MBNL1: variants seen among roughly 807,000 people sequenced by gnomAD.
MBNL1 encodes the protein muscleblind like splicing regulator 1, also known as muscleblind-like protein 1.
Under a neutral mutation model 42.2 loss-of-function variants are expected in MBNL1, and 8 were observed. The observed-to-expected ratio is 0.19, with a 90% CI of 0.11 to 0.34. The LOEUF is 0.34. Among genes scored for constraint, MBNL1 ranks in the 10% least tolerant of loss-of-function variants. MBNL1 has a pLI of 1.00. For missense variants in MBNL1, 309 were observed against 495.3 expected (o/e 0.62, Z 3.57); for synonymous variants, 169 against 173.9 (o/e 0.97, Z 0.22).
chr3:152,374,946 G>A (rs1337134296), intron 2 of MBNL1, among the ~76,000 whole-genome samples: 1 of 152,124 alleles, frequency 6.6e-6, no homozygotes, highest in Non-Finnish European at 1.5e-5. Flanking sequence ...TATTTATGTG[G>A]CAAAGAAGAT....
intron 2 of MBNL1, among the ~76,000 whole-genome samples, chr3:152,410,915 A>G (rs1304847075): frequency 2.0e-5 from 3 of 152,238 alleles, no homozygotes; most frequent in Non-Finnish European, 2.9e-5. Flanking sequence ...CGTTTAACAG[A>G]TACGCTGCTA....
chr3:152,269,173 G>C, intron 1 of MBNL1, 81 bp downstream of exon 1: 1 of 401,250 alleles, frequency 2.5e-6, no homozygotes. Context: ...GAAGGAGGAA[G>C]TGCGAGGAGG....
intron 2 of MBNL1, among the ~76,000 whole-genome samples, chr3:152,377,228 G>A (rs2096947296): frequency 6.6e-6 from 1 of 152,146 alleles, no homozygotes; most frequent in South Asian, 2.1e-4. Flanking sequence ...TAGATAAGAT[G>A]CTTTTTTCAT....
At chr3:152,252,844 T>G (rs1175293806) in intron 2 of MBNL1, among the ~76,000 whole-genome samples, 1 of 152,100 alleles carries the variant, frequency 6.6e-6, no homozygotes, top group Non-Finnish European at 1.5e-5. Flanking sequence ...TTTCACTCTT[T>G]TATATGTGAT....
intron 3 of MBNL1, among the ~76,000 whole-genome samples, chr3:152,425,977 G>C (rs1369961670): frequency 6.6e-6 from 1 of 152,184 alleles, no homozygotes; most frequent in Non-Finnish European, 1.5e-5. Flanking sequence ...ACTGGATAAA[G>C]AAAATGTGGC....
At chr3:152,293,253 C>T (rs2056983827) in intron 1 of MBNL1, among the ~76,000 whole-genome samples, 1 of 152,180 alleles carries the variant, frequency 6.6e-6, no homozygotes, top group African/African-American at 2.4e-5. Flanking sequence ...CTTACCTCTG[C>T]TTTTTGCTAT....
intron 2 of MBNL1, among the ~76,000 whole-genome samples, chr3:152,262,300 C>A (rs2036429179): frequency 6.6e-6 from 1 of 152,140 alleles, no homozygotes; most frequent in Non-Finnish European, 1.5e-5. Context: ...GAAACTCCCA[C>A]CATTTATTAA....
chr3:152,295,654 C>T (rs2058251023), intron 1 of MBNL1, among the ~76,000 whole-genome samples: 1 of 152,184 alleles, frequency 6.6e-6, no homozygotes, highest in Non-Finnish European at 1.5e-5. Flanking sequence ...GTACCAGAAA[C>T]ATTCTGAGAT....
At chr3:152,460,017 G>C (rs1377707897) in intron 9 of MBNL1, among the ~76,000 whole-genome samples, 1 of 151,982 alleles carries the variant, frequency 6.6e-6, no homozygotes, top group Non-Finnish European at 1.5e-5. Context: ...ACTTTGGGAG[G>C]CCAAGGTGGG....
intron 1 of MBNL1, among the ~76,000 whole-genome samples, chr3:152,273,689 T>G (rs1200324220): frequency 6.6e-6 from 1 of 152,198 alleles, no homozygotes; most frequent in South Asian, 2.1e-4. Context: ...GAGAATTGCT[T>G]TTCCACAGAG....
chr3:152,407,701 C>T (rs1023347582), intron 2 of MBNL1, among the ~76,000 whole-genome samples: 14 of 151,934 alleles, frequency 9.2e-5, no homozygotes, highest in Non-Finnish European at 1.9e-4. Flanking sequence ...ATTAGTGTTA[C>T]TACAATAGCA....
At chr3:152,362,030 A>G (rs1204448539) in intron 2 of MBNL1, among the ~76,000 whole-genome samples, 1 of 152,212 alleles carries the variant, frequency 6.6e-6, no homozygotes, top group Non-Finnish European at 1.5e-5. Context: ...GAATTGCTAT[A>G]ATTAGACACC....
At chr3:152,328,123 A>G (rs1317858408) in intron 2 of MBNL1, among the ~76,000 whole-genome samples, 1 of 152,052 alleles carries the variant, frequency 6.6e-6, no homozygotes, top group Non-Finnish European at 1.5e-5. Context: ...AATTTTAGGG[A>G]TGTCTTTATC....
chr3:152,313,603 C>A (rs1312412107), intron 2 of MBNL1, among the ~76,000 whole-genome samples: 1 of 152,110 alleles, frequency 6.6e-6, no homozygotes, highest in African/African-American at 2.4e-5. Flanking sequence ...TTGTATTGTT[C>A]TTATCTGAAT....
chr3:152,374,917 G>T (rs2096832937), intron 2 of MBNL1, among the ~76,000 whole-genome samples: 1 of 152,162 alleles, frequency 6.6e-6, no homozygotes. Context: ...CTTGGAACTT[G>T]TCTGTTATTT....
At chr3:152,291,446 C>T (rs1202971427) in intron 1 of MBNL1, among the ~76,000 whole-genome samples, 1 of 152,120 alleles carries the variant, frequency 6.6e-6, no homozygotes, top group East Asian at 1.9e-4. Flanking sequence ...CAATGAGTGA[C>T]GTTTGATGCT....
intron 1 of MBNL1, among the ~76,000 whole-genome samples, chr3:152,271,053 T>C (rs1342992653): frequency 6.6e-6 from 1 of 152,218 alleles, no homozygotes; most frequent in Admixed American, 6.5e-5. Flanking sequence ...TTTTTCCTTA[T>C]GTAACTGTGA....
intron 3 of MBNL1, among the ~76,000 whole-genome samples, chr3:152,428,221 C>T (rs2153730456): frequency 6.6e-6 from 1 of 152,190 alleles, no homozygotes; most frequent in Admixed American, 6.5e-5. Flanking sequence ...AGAAAAGCAG[C>T]AAATCCATTA....
chr3:152,433,318 C>T (rs2099031077), intron 4 of MBNL1, among the ~76,000 whole-genome samples: 1 of 151,980 alleles, frequency 6.6e-6, no homozygotes, highest in Non-Finnish European at 1.5e-5. Flanking sequence ...TTATCAATCC[C>T]CTAAAAATTG....
Sources: allele counts gnomAD v4.1 joint callset (sites outside exome capture counted in the v4.1 genomes callset), GRCh38; gene constraint gnomAD v4.1.1; transcripts MANE v1.5; gene names NCBI Gene and HGNC (gene_info 2026-07-23, HGNC 2026-07-21).